Variants in PPP4R3A observed in about 807,000 individuals in gnomAD.
PPP4R3A encodes the protein protein phosphatase 4 regulatory subunit 3A.
In PPP4R3A, 15 loss-of-function variants were observed where a neutral mutation model predicts 91.7. The observed-to-expected ratio is 0.16, with a 90% CI of 0.11 to 0.25. The LOEUF (loss-of-function observed/expected upper bound fraction) is 0.25. Among genes scored for constraint, PPP4R3A ranks in the 10% least tolerant of loss-of-function variants. PPP4R3A has a pLI of 1.00. For missense variants in PPP4R3A, 623 were observed against 998.4 expected (o/e 0.62, Z 5.07); for synonymous variants, 377 against 348.7 (o/e 1.08, Z -0.91).
chr14:91,479,293 C>CGTGTGTGTGTGTGTGTGT (rs3029507), intron 4 of PPP4R3A, among the ~76,000 whole-genome samples: 10 of 144,204 alleles, frequency 6.9e-5, no homozygotes, highest in South Asian at 6.7e-4. Context: ...TAAAAAACAA[C>CGTGTGTGTGTGTGTGTGT]GTGTGTGTGT....
intron 7 of PPP4R3A, 119 bp from the exon 8 acceptor site, chr14:91,473,489 T>C (rs1888975403): frequency 9.3e-7 from 1 of 1,079,886 alleles, no homozygotes; most frequent in Non-Finnish European, 1.3e-6. Flanking sequence ...AACTGCAAAG[T>C]GAAATGTTTA....
intron 1 of PPP4R3A, among the ~76,000 whole-genome samples, chr14:91,507,632 A>G (rs937189122): frequency 1.4e-5 from 2 of 146,932 alleles, no homozygotes; most frequent in South Asian, 4.2e-4. Flanking sequence ...TATTATATAT[A>G]CTATAATAAT....
intron 1 of PPP4R3A, among the ~76,000 whole-genome samples, chr14:91,496,062 C>T (rs533194047): frequency 6.6e-6 from 1 of 152,218 alleles, no homozygotes; most frequent in African/African-American, 2.4e-5. Flanking sequence ...GAGTAAAAGA[C>T]AGCTGAGACA....
chr14:91,458,412 GGTCC>G lies in PPP4R3A; in HGVS notation c.*343_*346del. On this transcript the variant is annotated 3_prime_UTR_variant, in exon 15 of 15. Coordinates refer to ENST00000554943, the MANE Select transcript of PPP4R3A (RefSeq NM_001366432.2). The stretch of plus-strand genomic sequence containing the variant: ...GCCCATTCTTCTGAGTCTCAAACAT[GGTCC>G]AAGAAAGCATATTCTGATTGTAGCA... 3.2e-6 allele frequency: 1 copy of G among 312,048 alleles called. No homozygotes were observed. The highest frequency in any genetic ancestry group is 3.3e-5 in the South Asian group (1 of 30,498). The allele number at this position is 312,048 out of a possible 1,614,324, so 19.3% of individuals were successfully genotyped here.
chr14:91,509,349 A>G (rs1826983084), intron 1 of PPP4R3A, among the ~76,000 whole-genome samples, 157 bp downstream of exon 1: 1 of 152,236 alleles, frequency 6.6e-6, no homozygotes, highest in Non-Finnish European at 1.5e-5. Flanking sequence ...AGCTCCCGCA[A>G]GACTGGGGTA....
At chr14:91,471,340 T>C (rs951227424) in intron 9 of PPP4R3A, among the ~76,000 whole-genome samples, 7 of 152,234 alleles carry the variant, frequency 4.6e-5, no homozygotes, top group Non-Finnish European at 7.3e-5. Context: ...TACCTTAGCA[T>C]GTTCTCCAAC....
At chr14:91,497,193 A>G (rs1221426451) in intron 1 of PPP4R3A, among the ~76,000 whole-genome samples, 2 of 152,190 alleles carry the variant, frequency 1.3e-5, no homozygotes, top group Admixed American at 1.3e-4. Context: ...TAAGAGCAAC[A>G]TGTTTCTGAT....
intron 3 of PPP4R3A, among the ~76,000 whole-genome samples, chr14:91,484,950 G>C (rs1298364522): frequency 6.6e-6 from 1 of 151,938 alleles, no homozygotes; most frequent in African/African-American, 2.4e-5. Flanking sequence ...AATAAATTAA[G>C]AACATTCGAG....
chr14:91,507,543 TTATA>T (rs528280943), intron 1 of PPP4R3A, among the ~76,000 whole-genome samples: 120 of 76,164 alleles, frequency 1.6e-3, no homozygotes, highest in African/African-American at 5.6e-3. Context: ...ATACTATATA[TTATA>T]TATAGTTATA....
intron 1 of PPP4R3A, among the ~76,000 whole-genome samples, chr14:91,503,646 T>C (rs1163326549): frequency 6.6e-6 from 1 of 152,076 alleles, no homozygotes; most frequent in African/African-American, 2.4e-5. Context: ...GATGGGTTGA[T>C]CTGTGCAGCA....
At chr14:91,502,780 TTAACTC>T (rs1366663422) in intron 1 of PPP4R3A, among the ~76,000 whole-genome samples, 1 of 152,248 alleles carries the variant, frequency 6.6e-6, no homozygotes, top group African/African-American at 2.4e-5. Flanking sequence ...TTTAACCTGT[TTAACTC>T]TAAGATATGA....
intron 10 of PPP4R3A, among the ~76,000 whole-genome samples, chr14:91,468,688 A>AAAAT (rs1888639599): frequency 7.2e-6 from 1 of 139,328 alleles, no homozygotes; most frequent in Non-Finnish European, 1.5e-5. Flanking sequence ...AAAAAAAAAA[A>AAAAT]AGGAAAAAAG....
At chr14:91,507,735 A>C (rs995054518) in intron 1 of PPP4R3A, among the ~76,000 whole-genome samples, 1 of 145,830 alleles carries the variant, frequency 6.9e-6, no homozygotes, top group Non-Finnish European at 1.5e-5. Flanking sequence ...AAATATCTTA[A>C]AGGATTTTTT....
At chr14:91,475,585 A>C (rs563872594) in intron 7 of PPP4R3A, 194 of 386,258 alleles carry the variant, frequency 5.0e-4, no homozygotes, top group African/African-American at 2.7e-3. Flanking sequence ...CAAAACAAAA[A>C]AAAACTGACA....
Position 91,489,050 on chromosome 14 carries a change from G to A in PPP4R3A, c.198+1697C>T, listed in dbSNP as rs1890075776. On this transcript the variant is annotated intron_variant, in intron 2 of 14. Coordinates refer to ENST00000554943, the MANE Select transcript of PPP4R3A (RefSeq NM_001366432.2). ...AGCCTCCTGAGTAGCTGGGACTGCA[G>A]GTACCCGCCACCACGCCCAGCTTAT... Among the ~76,000 whole-genome samples the A allele has an allele frequency of 2.0e-5, 3 of 151,984 alleles. No individual in the cohort carries two copies. In the South Asian group the frequency reaches 6.2e-4, roughly 32 times the overall value.
chr14:91,475,459 C>T, intron 7 of PPP4R3A: 1 of 223,754 alleles, frequency 4.5e-6, no homozygotes, highest in Non-Finnish European at 8.9e-6. Flanking sequence ...GAGAATCTAC[C>T]CTAAAGTCAA....
intron 1 of PPP4R3A, among the ~76,000 whole-genome samples, chr14:91,492,841 T>C (rs959498294): frequency 6.6e-6 from 1 of 152,238 alleles, no homozygotes; most frequent in African/African-American, 2.4e-5. Flanking sequence ...AAAACACATT[T>C]TCCAGTGCCC....
chr14:91,473,394 C>G, intron 7 of PPP4R3A, 24 bp from the exon 8 acceptor site: 2 of 1,601,032 alleles, frequency 1.2e-6, no homozygotes, highest in Non-Finnish European at 1.7e-6. Flanking sequence ...TAGACATACT[C>G]AGGATCACTT....
intron 14 of PPP4R3A, among the ~76,000 whole-genome samples, 195 bp from the exon 15 acceptor site, chr14:91,459,064 T>G (rs566101510): frequency 1.3e-5 from 2 of 152,254 alleles, no homozygotes; most frequent in South Asian, 4.2e-4. Flanking sequence ...ATGCATACTT[T>G]TTTACAATAA....
Sources: allele counts gnomAD v4.1 joint callset (sites outside exome capture counted in the v4.1 genomes callset), GRCh38; gene constraint gnomAD v4.1.1; transcripts MANE v1.5; gene names NCBI Gene and HGNC (gene_info 2026-07-23, HGNC 2026-07-21).